Variants in ATP2A2 observed in about 807,000 individuals in gnomAD.
ATP2A2 encodes sarcoplasmic/endoplasmic reticulum calcium ATPase 2.
Under a neutral mutation model 109.3 loss-of-function variants are expected in ATP2A2, and 14 were observed. The observed-to-expected ratio is 0.13, with a 90% CI of 0.08 to 0.20. ATP2A2 has a LOEUF of 0.20. Among genes scored for constraint, ATP2A2 ranks in the 10% least tolerant of loss-of-function variants. The pLI is 1.00. For synonymous variants in ATP2A2, 506 were observed against 490.9 expected (o/e 1.03, Z -0.41); for missense variants, 657 against 1,321.6 (o/e 0.50, Z 7.80).
chr12:110,346,390 C>T lies in ATP2A2; in HGVS notation c.3049C>T (p.Pro1017Ser). 1 of 1,614,208 alleles carries T rather than the reference C, an allele frequency of 6.2e-7. No individual in the cohort carries two copies. The highest frequency in any genetic ancestry group is 8.5e-7 in the Non-Finnish European group (1 of 1,180,034). Residue 1017 changes from proline to serine, a missense_variant, in exon 20 of 20, where the codon CCG becomes TCG. Physicochemically the swap from Pro to Ser is moderately conservative, Grantham distance 74. Transcript: ENST00000539276. ...GGCATGCACCGATGGGATTTCCTGG[C>T]CGTTTGTGCTGCTCATAATGCCCCT... is the stretch of plus-strand genomic sequence containing the variant. ...FSACTDGISW[P>S]FVLLIMPLVI...
In ATP2A2 at chr12:110,281,733, G is replaced by GGCGGAGGCGAGGAGGCC. The variant is rs1440279834; in HGVS notation, c.-52_-36dup. 1 of 1,306,050 alleles carries GGCGGAGGCGAGGAGGCC rather than the reference G, an allele frequency of 7.7e-7. No homozygotes were observed. Among genetic ancestry groups the GGCGGAGGCGAGGAGGCC allele is most frequent in the Non-Finnish European group, 1.0e-6 (1 of 981,282 alleles). 80.9% of individuals were successfully genotyped at this position (1,306,050 alleles called of 1,614,324 possible). A position where few individuals can be genotyped will look rare whatever the true frequency, so the allele number is the denominator to read the frequency against. ...GCACGAGCCCGCGGCCGGAGTGCGAGGCGGAGGCGAGGAGGCCGCGGGGAC... is the reference window on the plus strand; with the variant it reads ...GCACGAGCCCGCGGCCGGAGTGCGAGGCGGAGGCGAGGAGGCCGCGGAGGCGAGGAGGCCGCGGGGAC... On this transcript the variant is annotated 5_prime_UTR_variant, in exon 1 of 20. Coordinates refer to ENST00000539276, the MANE Select transcript of ATP2A2 (RefSeq NM_170665.4).
At chr12:110,332,403 T>C in intron 8 of ATP2A2, 194 bp from the exon 9 acceptor site, 1 of 621,788 alleles carries the variant, frequency 1.6e-6, no homozygotes, top group South Asian at 1.8e-5. Context: ...GGCGAAGCAG[T>C]CTAATATAAT....
chr12:110,334,024 T>C lies in ATP2A2; in HGVS notation c.1300T>C (p.Tyr434His). ...TTAACCAATACAGGCAAAGGGTGTG[T>C]ATGAAAAAGTTGGAGAAGCTACAGA... Reference protein sequence around the residue: ...ALDYNEAKGVYEKVGEATETA... With the variant: ...ALDYNEAKGVHEKVGEATETA... Residue 434 changes from tyrosine to histidine, a missense_variant, in exon 11 of 20, where the codon TAT becomes CAT. Tyr to His is a moderately conservative substitution (Grantham distance 83). Around this residue, in one of 9 missense-constraint regions of ATP2A2, gnomAD observed 180 missense variants for 329.1 expected, o/e 0.55. Transcript: ENST00000539276. The C allele has an allele frequency of 6.2e-7, 1 of 1,614,148 alleles. No individual in the cohort carries two copies. Among genetic ancestry groups the C allele is most frequent in the Non-Finnish European group, 8.5e-7 (1 of 1,180,026 alleles).
Position 110,348,490 on chromosome 12 carries a change from G to A in ATP2A2, c.*2020G>A. 1 of 985,502 alleles carries A rather than the reference G, an allele frequency of 1.0e-6. No homozygotes were observed. Among genetic ancestry groups the A allele is most frequent in the Non-Finnish European group, 1.2e-6 (1 of 830,018 alleles). The allele number at this position is 985,502 out of a possible 1,614,324, so 61.0% of individuals were successfully genotyped here. On this transcript the variant is annotated 3_prime_UTR_variant, in exon 20 of 20. Transcript: ENST00000539276. ...GTTGGAGTTTGGGGAGGGTTAGGAG[G>A]CATCAAGCAGGACAAGGTGCTGCTG...
chr12:110,322,797 T>C (rs1417670753), intron 5 of ATP2A2, among the ~76,000 whole-genome samples, 195 bp from the exon 6 acceptor site: 1 of 152,236 alleles, frequency 6.6e-6, no homozygotes, highest in Non-Finnish European at 1.5e-5. Context: ...CTAATTCAAA[T>C]CTTGAATCCA....
At chr12:110,282,546 CTTTTTT>C (rs372941910) in intron 1 of ATP2A2, 52 bp from the exon 2 acceptor site, 1 of 782,306 alleles carries the variant, frequency 1.3e-6, no homozygotes, top group Non-Finnish European at 1.8e-6. Flanking sequence ...ATGTCTCTCT[CTTTTTT>C]TTTTTAACCT....
chr12:110,311,521 A>AG (rs1456827746), intron 5 of ATP2A2, among the ~76,000 whole-genome samples: 11 of 132,824 alleles, frequency 8.3e-5, no homozygotes, highest in African/African-American at 3.1e-4. Flanking sequence ...ACTTGAACCC[A>AG]GGGGGCAGAG....
At chr12:110,304,906 T>C (rs1411593373) in intron 5 of ATP2A2, among the ~76,000 whole-genome samples, 2 of 152,130 alleles carry the variant, frequency 1.3e-5, no homozygotes, top group Non-Finnish European at 2.9e-5. Context: ...CCCAGCACTT[T>C]GGGAGGCTGA....
At chr12:110,300,188 T>C (rs1347030617) in intron 5 of ATP2A2, among the ~76,000 whole-genome samples, 4 of 134,950 alleles carry the variant, frequency 3.0e-5, no homozygotes, top group African/African-American at 1.1e-4. Context: ...CTCTCTCTTT[T>C]TTTTTTTTTT....
At chr12:110,331,640 G>A (rs1275955640) in intron 8 of ATP2A2, 5 of 152,200 alleles carry the variant, frequency 3.3e-5, no homozygotes, top group African/African-American at 9.7e-5. Context: ...CCAGCTCAAC[G>A]TGGCCTGTTT....
rs149534855 is a variant in ATP2A2 at position 110,350,344 on chromosome 12, C to G, written c.*3874C>G. 6.2e-7 allele frequency: 1 copy of G among 1,614,114 alleles called. No individual in the cohort carries two copies. The highest frequency in any genetic ancestry group is 8.5e-7 in the Non-Finnish European group (1 of 1,180,016). On this transcript the variant is annotated 3_prime_UTR_variant, in exon 20 of 20. Coordinates refer to ENST00000539276, the MANE Select transcript of ATP2A2 (RefSeq NM_170665.4). ...CATTTTGCAGAAATGTAAGGGTGTTCGGTTGCGTGCATGTGCGTTTTTAGC... is the reference window on the plus strand; with the variant it reads ...CATTTTGCAGAAATGTAAGGGTGTTGGGTTGCGTGCATGTGCGTTTTTAGC...
At chr12:110,289,562 T>A (rs1464140876) in intron 3 of ATP2A2, among the ~76,000 whole-genome samples, 1 of 152,194 alleles carries the variant, frequency 6.6e-6, no homozygotes, top group African/African-American at 2.4e-5. Context: ...CTCCTGTTTT[T>A]ATTTTTCTTT....
chr12:110,336,944 C>T (rs2137843055), intron 11 of ATP2A2, among the ~76,000 whole-genome samples: 1 of 152,272 alleles, frequency 6.6e-6, no homozygotes, highest in East Asian at 1.9e-4. Flanking sequence ...CTGAGGCAGC[C>T]TGAAAACAGC....
rs923186238 is a variant in ATP2A2, at chr12:110,348,423, A to T, written c.*1953A>T. 6 of 985,410 alleles carry T rather than the reference A, an allele frequency of 6.1e-6. No homozygotes were observed. Among genetic ancestry groups the T allele is most frequent in the Admixed American group, 6.1e-5 (1 of 16,262 alleles). The allele number at this position is 985,410 out of a possible 1,614,324, so 61.0% of individuals were successfully genotyped here. On this transcript the variant is annotated 3_prime_UTR_variant, in exon 20 of 20. Transcript: ENST00000539276. ...CGACTATATTCTTCAAAATGTACTTAGGCTCTGGTTACTGGGATGGCCAGT... is the reference window on the plus strand; with the variant it reads ...CGACTATATTCTTCAAAATGTACTTTGGCTCTGGTTACTGGGATGGCCAGT...
At chr12:110,328,228 C>G (rs1877993920) in intron 8 of ATP2A2, among the ~76,000 whole-genome samples, 1 of 151,004 alleles carries the variant, frequency 6.6e-6, no homozygotes, top group Non-Finnish European at 1.5e-5. Context: ...GGCTGATATA[C>G]TTGTATTAGA....
intron 11 of ATP2A2, among the ~76,000 whole-genome samples, chr12:110,334,686 C>T (rs1438200378): frequency 6.8e-6 from 1 of 147,578 alleles, no homozygotes. Context: ...CTCCCAGGTT[C>T]AAGCGATTCT....
In ATP2A2 at chr12:110,340,964, T is replaced by C. The variant is rs1592861510; in HGVS notation, c.2067T>C (p.Phe689=). The part of the protein sequence containing the change: ...EPSHKSKIVE[F]LQSFDEITAM... ...CCCACAAGTCTAAAATCGTAGAATT[T>C]CTTCAGTCTTTTGATGAGATTACAG... is the stretch of plus-strand genomic sequence containing the variant. Residue 689 remains phenylalanine (F), a synonymous_variant, in exon 14 of 20, where the codon TTT becomes TTC. Transcript: ENST00000539276. This position sits in a 1 kb window ranked among gnomAD's most constrained non-coding sequence, Gnocchi z 6.0. 1 of 1,614,232 alleles carries C rather than the reference T, an allele frequency of 6.2e-7. No homozygotes were observed.
At position 110,327,910 on chromosome 12, in the gene ATP2A2, A is replaced by G; in HGVS notation, c.988A>G (p.Asn330Asp). The G allele has an allele frequency of 6.2e-7, 1 of 1,613,934 alleles. No individual in the cohort carries two copies. The highest frequency in any genetic ancestry group is 8.5e-7 in the Non-Finnish European group (1 of 1,179,884). The change falls in exon 8 of 20, where the codon AAT becomes GAT. Residue 330 changes from asparagine (N) to aspartate (D), a missense_variant. Around this residue, in one of 9 missense-constraint regions of ATP2A2, gnomAD observed 136 missense variants for 343.9 expected, o/e 0.40. Transcript: ENST00000539276. The surrounding 1 kb of genome is among the most constrained non-coding windows in gnomAD (Gnocchi z 4.4). The stretch of plus-strand genomic sequence containing the variant: ...TGGAACTCGCAGAATGGCAAAGAAA[A>G]ATGCCATTGTTCGAAGCCTCCCGTC... Reference protein sequence around the residue: ...ALGTRRMAKKNAIVRSLPSVE... With the variant: ...ALGTRRMAKKDAIVRSLPSVE...
Position 110,346,519 on chromosome 12 carries a change from T to G in ATP2A2, c.*49T>G. The G allele has an allele frequency of 6.2e-7, 1 of 1,609,898 alleles. No homozygotes were observed. Among genetic ancestry groups the G allele is most frequent in the East Asian group, 2.2e-5 (1 of 44,658 alleles). On this transcript the variant is annotated 3_prime_UTR_variant, in exon 20 of 20. Coordinates refer to ENST00000539276, the MANE Select transcript of ATP2A2 (RefSeq NM_170665.4). ...TGTTTAACTTAATCAATTAATTTTT[T>G]TATTGTTTAAAGCAACTGTCTATTT... is the stretch of plus-strand genomic sequence containing the variant.
Sources: gnomAD v4.1 joint callset for allele counts (sites outside exome capture counted in the v4.1 genomes callset) on GRCh38, gnomAD v4.1.1 for gene constraint, gnomAD v4.1.1 regional missense constraint, Gnocchi (gnomAD v3.1) non-coding constraint, MANE v1.5 for transcripts, NCBI Gene and HGNC (gene_info 2026-07-23, HGNC 2026-07-21) for gene names.